Variants in CLEC4M observed in about 807,000 individuals in gnomAD.
CLEC4M encodes CD209 antigen-like protein 1.
In CLEC4M, 25 loss-of-function variants were observed where a neutral mutation model predicts 39.1. That is an observed-to-expected ratio of 0.64 (90% confidence interval 0.47 to 0.89). The LOEUF is 0.89. CLEC4M is among the 40% of genes least tolerant of loss of function. The probability of loss-of-function intolerance (pLI) is 0.00; values close to 1 mark genes in which losing one functional copy is unlikely to be tolerated. For missense variants in CLEC4M, 353 were observed against 431.4 expected, an observed-to-expected ratio of 0.82 and a Z score of 1.61; for synonymous variants, 155 against 177.4, an observed-to-expected ratio of 0.87 and a Z score of 1.00.
intron 2 of CLEC4M, among the ~76,000 whole-genome samples, chr19:7,763,899 G>A (rs2034129733): frequency 6.6e-6 from 1 of 150,886 alleles, no homozygotes; most frequent in African/African-American, 2.4e-5. Flanking sequence ...CCAGATTACT[G>A]GGTCCTGGGG....
chr19:7,768,722 T>C, intron 6 of CLEC4M, 116 bp from the exon 7 acceptor site: 1 of 1,230,146 alleles, frequency 8.1e-7, no homozygotes, highest in Non-Finnish European at 1.1e-6. Flanking sequence ...TGGAGAGCAA[T>C]GCATGTCCAG....
chr19:7,764,434 GA>G (rs2034154692), intron 2 of CLEC4M, among the ~76,000 whole-genome samples: 1 of 152,010 alleles, frequency 6.6e-6, no homozygotes, highest in Admixed American at 6.6e-5. Context: ...GCCACACACA[GA>G]AAAACAGGCA....
intron 6 of CLEC4M, 95 bp downstream of exon 6, chr19:7,767,723 G>A (rs2034342500): frequency 1.0e-6 from 1 of 990,600 alleles, no homozygotes; most frequent in African/African-American, 1.6e-5. Context: ...CAACCTCCCT[G>A]ACCCCATAGG....
At chr19:7,767,391 C>A in intron 5 of CLEC4M, 125 bp from the exon 6 acceptor site, 1 of 679,762 alleles carries the variant, frequency 1.5e-6, no homozygotes, top group Non-Finnish European at 2.6e-6. Flanking sequence ...TGAGGAGGCT[C>A]AGGACCTGCT....
At chr19:7,767,313 T>A (rs2034321046) in intron 5 of CLEC4M, 3 of 559,888 alleles carry the variant, frequency 5.4e-6, no homozygotes, top group Non-Finnish European at 3.2e-6. Context: ...AGAGGCCAGC[T>A]GTGCATGCGT....
Position 7,769,005 on chromosome 19 carries a change from C to A in CLEC4M, c.*17C>A. On this transcript the variant is annotated 3_prime_UTR_variant, in exon 7 of 7. Transcript: ENST00000327325. Reference sequence around the variant, plus strand: ...GACGAATAGTTGTTTCCCTGCTAGCCTCAGCCTCCATTGTGGTATAGCAGA... The same window carrying A: ...GACGAATAGTTGTTTCCCTGCTAGCATCAGCCTCCATTGTGGTATAGCAGA... 1 of 1,612,422 alleles carries A rather than the reference C, an allele frequency of 6.2e-7. No homozygotes were observed. The highest frequency in any genetic ancestry group is 1.1e-5 in the South Asian group (1 of 90,838).
At chr19:7,763,557 T>A in intron 2 of CLEC4M, 81 bp downstream of exon 2, 1 of 1,203,334 alleles carries the variant, frequency 8.3e-7, no homozygotes, top group Non-Finnish European at 1.2e-6. Flanking sequence ...TGTTGGGGTC[T>A]GGAATCCTGG....
intron 3 of CLEC4M, 71 bp downstream of exon 3, chr19:7,765,339 GC>G: frequency 6.4e-7 from 1 of 1,554,740 alleles, no homozygotes; most frequent in Non-Finnish European, 8.9e-7. Flanking sequence ...GCCTGGAGTG[GC>G]CAGGTCTGGG....
Position 7,767,565 on chromosome 19 carries a change from G to T in CLEC4M, c.986G>T (p.Gly329Val). 6.2e-7 allele frequency: 1 copy of T among 1,614,180 alleles called. No homozygotes were observed. The highest frequency in any genetic ancestry group is 8.5e-7 in the Non-Finnish European group (1 of 1,180,026). ...AGGAGTAACCGCTTCTCCTGGATGG[G>T]ACTTTCAGACCTAAATCAGGAAGGC... ...TSRSNRFSWM[G>V]LSDLNQEGTW... is the part of the protein sequence containing the mutation. Residue 329 changes from glycine to valine, a missense_variant, in exon 6 of 7, where the codon GGA becomes GTA. Gly to Val is a moderately radical substitution (Grantham distance 109). Around this residue, in one of 4 missense-constraint regions of CLEC4M, gnomAD observed 196 missense variants for 211.7 expected, o/e 0.93. Coordinates refer to ENST00000327325, the MANE Select transcript of CLEC4M (RefSeq NM_014257.5).
rs2034329523 is a variant in CLEC4M at position 7,767,509 on chromosome 19, C to T, written c.937-7C>T. The T allele has an allele frequency of 6.2e-7, 1 of 1,610,368 alleles. No homozygotes were observed. The highest frequency in any genetic ancestry group is 8.5e-7 in the Non-Finnish European group (1 of 1,176,614). On this transcript the variant is annotated splice_region_variant and splice_polypyrimidine_tract_variant and intron_variant, in intron 5 of 6. Transcript: ENST00000327325. ...AGCTCCCTCCTGACTCCTCCTCTAC[C>T]CTCCAGAACTTCCTACAGCTGCAGA...
intron 6 of CLEC4M, chr19:7,767,848 T>G: frequency 3.8e-6 from 2 of 521,378 alleles, no homozygotes; most frequent in South Asian, 4.9e-5. Context: ...GCTTGCCCTG[T>G]GGGTAGGTGT....
chr19:7,764,860 T>C (rs1348013122), intron 2 of CLEC4M, among the ~76,000 whole-genome samples: 4 of 152,178 alleles, frequency 2.6e-5, no homozygotes, highest in African/African-American at 9.7e-5. Context: ...TTTTCTTACA[T>C]ACAACTGAGT....
chr19:7,768,489 A>G (rs771932234), intron 6 of CLEC4M: 25 of 177,248 alleles, frequency 1.4e-4, no homozygotes, highest in Non-Finnish European at 2.1e-4. Context: ...CAGGAGAATC[A>G]CTTGAGCCCA....
intron 3 of CLEC4M, 55 bp from the exon 4 acceptor site, chr19:7,765,583 G>A (rs1568529275): frequency 1.9e-6 from 3 of 1,609,662 alleles, no homozygotes; most frequent in East Asian, 4.5e-5. Flanking sequence ...CTCAGTTCAG[G>A]GCTTGGCACA....
Position 7,763,402 on chromosome 19 carries a change from CAACA to C in CLEC4M, c.58_61del (p.Thr20ProfsTer59). The C allele has an allele frequency of 6.2e-7, 1 of 1,613,930 alleles. No homozygotes were observed. The highest frequency in any genetic ancestry group is 1.1e-5 in the South Asian group (1 of 91,056). On this transcript the variant is annotated frameshift_variant, in exon 2 of 7. Coordinates refer to ENST00000327325, the MANE Select transcript of CLEC4M (RefSeq NM_014257.5). LOFTEE classifies it high-confidence loss of function. ...ATGTCTGTCAATTCAGAAGAAGATCCAACAACCAGTGGCATCAGACTTTTTCCAA... is the reference window on the plus strand; with the variant it reads ...ATGTCTGTCAATTCAGAAGAAGATCCACCAGTGGCATCAGACTTTTTCCAA...
rs1826306 is a variant in CLEC4M at position 7,765,564 on chromosome 19, T to C, written c.215-74T>C. On this transcript the variant is annotated intron_variant, in intron 3 of 6. Transcript: ENST00000327325. ...GACCTTGGCTCTCACAAATGATGTCTCTATGGGGCTCAGTTCAGGGCTTGG... is the reference window on the plus strand; with the variant it reads ...GACCTTGGCTCTCACAAATGATGTCCCTATGGGGCTCAGTTCAGGGCTTGG... 92 of 1,596,464 alleles carry C rather than the reference T, an allele frequency of 5.8e-5. No homozygotes were observed. In the East Asian group the frequency reaches 1.5e-3, roughly 25 times the overall value.
chr19:7,766,477 TGGGGATCAG>T (rs2034279906), intron 4 of CLEC4M, 170 bp from the exon 5 acceptor site: 1 of 1,460,694 alleles, frequency 6.8e-7, no homozygotes, highest in Admixed American at 2.7e-5. Context: ...TGGGTTCTCC[TGGGGATCAG>T]GGAGAGTCTT....
rs759788389 is a variant in CLEC4M, at chr19:7,766,148, C to G, written c.725C>G (p.Pro242Arg). 17 of 1,614,004 alleles carry G rather than the reference C, an allele frequency of 1.1e-5. 1 individual carries two copies. The South Asian group carries it at 1.6e-4, about 16-fold the overall frequency. The change falls in exon 4 of 7, where the codon CCA becomes CGA. Residue 242 changes from proline (P) to arginine (R), a missense_variant. By Grantham distance (103) the Pro-to-Arg change is moderately radical. Coordinates refer to ENST00000327325, the MANE Select transcript of CLEC4M (RefSeq NM_014257.5). ...TQLKAAVGELPDQSKQQQIYQ... is the reference protein window; with the variant it reads ...TQLKAAVGELRDQSKQQQIYQ... ...CTGAAGGCTGCAGTGGGTGAGTTGC[C>G]AGACCAGTCCAAGCAGCAGCAAATC...
chr19:7,763,731 G>A (rs927758235), intron 2 of CLEC4M, among the ~76,000 whole-genome samples: 2 of 151,068 alleles, frequency 1.3e-5, no homozygotes, highest in African/African-American at 4.9e-5. Flanking sequence ...ACAGAGGTGG[G>A]GGTTGGAAGC....
Sources: gnomAD v4.1 joint callset for allele counts (sites outside exome capture counted in the v4.1 genomes callset) on GRCh38, gnomAD v4.1.1 for gene constraint, gnomAD v4.1.1 regional missense constraint, MANE v1.5 for transcripts, NCBI Gene and HGNC (gene_info 2026-07-23, HGNC 2026-07-21) for gene names.